ADAM7: variants seen among roughly 807,000 people sequenced by gnomAD.
ADAM7 encodes the protein ADAM metallopeptidase domain 7.
A neutral mutation model predicts 102.9 loss-of-function variants in ADAM7; 97 were observed. The ratio of observed to expected loss-of-function variants is 0.94; its 90% CI spans 0.80 to 1.12. The LOEUF is 1.12. Ranked by LOEUF, ADAM7 falls within the 50% of genes most tolerant of loss-of-function variation. The probability of loss-of-function intolerance (pLI) is 0.00; values close to 1 mark genes in which losing one functional copy is unlikely to be tolerated. For missense variants in ADAM7, 991 were observed against 908.7 expected (o/e 1.09, Z -1.16); for synonymous variants, 334 against 304.4 (o/e 1.10, Z -1.01).
intron 8 of ADAM7, among the ~76,000 whole-genome samples, chr8:24,479,592 G>A (rs1255014643): frequency 2.0e-5 from 3 of 152,190 alleles, no homozygotes; most frequent in Middle Eastern, 3.4e-3. Flanking sequence ...GTCTCCCACT[G>A]TGGTTGTTGG....
At chr8:24,486,652 A>C (rs1292664645) in intron 10 of ADAM7, among the ~76,000 whole-genome samples, 1 of 152,152 alleles carries the variant, frequency 6.6e-6, no homozygotes, top group Admixed American at 6.5e-5. Flanking sequence ...TGTCTGGTGA[A>C]GCCCTGTCTG....
chr8:24,468,919 T>A (rs1422066508), intron 7 of ADAM7, 99 bp downstream of exon 7: 4 of 1,157,088 alleles, frequency 3.5e-6, no homozygotes, highest in Non-Finnish European at 4.9e-6. Context: ...CAGAGTTCTA[T>A]TCTAGGCTCA....
rs1263026227 is a variant in ADAM7, at chr8:24,508,776, T to C, written c.*230T>C. On this transcript the variant is annotated 3_prime_UTR_variant, in exon 22 of 22. Transcript: ENST00000175238. ...TATGCTGCAGAAAAAAAATGTCTTGTGGTCTTTCAAATGCTCTTTAGCACA... is the reference window on the plus strand; with the variant it reads ...TATGCTGCAGAAAAAAAATGTCTTGCGGTCTTTCAAATGCTCTTTAGCACA... 3 of 1,353,452 alleles carry C rather than the reference T, an allele frequency of 2.2e-6. No homozygotes were observed. In the East Asian group the frequency reaches 7.9e-5, roughly 36 times the overall value. The allele number at this position is 1,353,452 out of a possible 1,614,324, so 83.8% of individuals were successfully genotyped here. A position where few individuals can be genotyped will look rare whatever the true frequency, so the allele number is the denominator to read the frequency against.
rs1017538896 is a variant in ADAM7 at position 24,491,883 on chromosome 8, T to G, written c.1357-20T>G. On this transcript the variant is annotated intron_variant, in intron 13 of 21. Coordinates refer to ENST00000175238, the MANE Select transcript of ADAM7 (RefSeq NM_003817.4). ...ACCTAAATGTATCCAGGATTTAGTC[T>G]CTTTGTTTTTCCTCAACAGATAAAA... The G allele has an allele frequency of 5.8e-6, 9 of 1,564,224 alleles. No homozygotes were observed. In the African/African-American group the frequency reaches 8.2e-5, roughly 14 times the overall value.
intron 20 of ADAM7, among the ~76,000 whole-genome samples, chr8:24,506,431 G>A (rs1820953151): frequency 6.6e-6 from 1 of 151,994 alleles, no homozygotes; most frequent in South Asian, 2.1e-4. Flanking sequence ...TGTTCACCAT[G>A]ATACATGCAT....
chr8:24,479,469 T>C (rs144156559), intron 8 of ADAM7, among the ~76,000 whole-genome samples: 1 of 152,156 alleles, frequency 6.6e-6, no homozygotes, highest in African/African-American at 2.4e-5. Context: ...AGTTTAAAGC[T>C]TTTGTTCCTT....
chr8:24,457,336 C>A (rs931883601), intron 3 of ADAM7, among the ~76,000 whole-genome samples: 7 of 152,022 alleles, frequency 4.6e-5, no homozygotes, highest in African/African-American at 1.7e-4. Flanking sequence ...AGTAGAGTGG[C>A]ACGATCTTGG....
intron 3 of ADAM7, among the ~76,000 whole-genome samples, chr8:24,459,327 T>A (rs1004663397): frequency 6.6e-6 from 1 of 152,030 alleles, no homozygotes; most frequent in African/African-American, 2.4e-5. Flanking sequence ...TTATAATTTT[T>A]AAAAATGTAA....
At position 24,441,178 on chromosome 8, in the gene ADAM7, T is replaced by C. The variant is rs879159747; in HGVS notation, c.52+18T>C. 4 of 1,599,586 alleles carry C rather than the reference T, an allele frequency of 2.5e-6. No homozygotes were observed. The South Asian group carries it at 4.4e-5, about 18-fold the overall frequency. On this transcript the variant is annotated intron_variant, in intron 1 of 21. Coordinates refer to ENST00000175238, the MANE Select transcript of ADAM7 (RefSeq NM_003817.4). ...GGTTAAAGGTATGTCTTGCTCTTTT[T>C]ATCAGGACTTTCTTATTATGCTGTG...
chr8:24,490,201 C>G (rs1820294323), intron 12 of ADAM7: 1 of 152,438 alleles, frequency 6.6e-6, no homozygotes, highest in Non-Finnish European at 1.5e-5. Context: ...TCAAATGTCT[C>G]AGGTTAAACG....
intron 3 of ADAM7, 26 bp downstream of exon 3, chr8:24,447,288 C>A (rs1818597675): frequency 6.1e-6 from 8 of 1,314,208 alleles, no homozygotes; most frequent in Admixed American, 2.5e-5. Context: ...ATTCCAGTAC[C>A]TTATAGATTT....
At chr8:24,475,290 G>A (rs2129385714) in intron 7 of ADAM7, among the ~76,000 whole-genome samples, 1 of 152,194 alleles carries the variant, frequency 6.6e-6, no homozygotes, top group East Asian at 1.9e-4. Context: ...TGAATTTTAG[G>A]CAGTGAATTT....
Position 24,485,269 on chromosome 8 carries a change from T to C in ADAM7, c.876-8T>C, listed in dbSNP as rs1820102265. ...AGATTGAAGACTATTTTTGCATCTT[T>C]TTCATAGTGGGAAGTGGCTCTACTC... On this transcript the variant is annotated splice_region_variant and splice_polypyrimidine_tract_variant and intron_variant, in intron 9 of 21. Transcript: ENST00000175238. The C allele has an allele frequency of 4.3e-6, 7 of 1,612,130 alleles. No individual in the cohort carries two copies. The highest frequency in any genetic ancestry group is 5.9e-6 in the Non-Finnish European group (7 of 1,178,896).
chr8:24,466,697 G>A, intron 5 of ADAM7, 102 bp from the exon 6 acceptor site: 1 of 1,032,282 alleles, frequency 9.7e-7, no homozygotes, highest in Non-Finnish European at 1.4e-6. Context: ...TGTTCATGAA[G>A]CACTGGCTTT....
At chr8:24,485,051 G>C (rs943385877) in intron 9 of ADAM7, among the ~76,000 whole-genome samples, 1 of 151,858 alleles carries the variant, frequency 6.6e-6, no homozygotes, top group South Asian at 2.1e-4. Context: ...TGATCCACCT[G>C]CCTCGGCCTC....
At position 24,509,313 on chromosome 8, in the gene ADAM7, G is replaced by A; in HGVS notation, c.*767G>A. 4 of 985,368 alleles carry A rather than the reference G, an allele frequency of 4.1e-6. No homozygotes were observed. The highest frequency in any genetic ancestry group is 4.7e-5 in the South Asian group (1 of 21,278). The allele number at this position is 985,368 out of a possible 1,614,324, so 61.0% of individuals were successfully genotyped here. On this transcript the variant is annotated 3_prime_UTR_variant, in exon 22 of 22. Coordinates refer to ENST00000175238, the MANE Select transcript of ADAM7 (RefSeq NM_003817.4). ...TTTGTCCTGTGCAATTTGACAATGTGCCATTTCTGTGCTGTCTCTGCCCTC... is the reference window on the plus strand; with the variant it reads ...TTTGTCCTGTGCAATTTGACAATGTACCATTTCTGTGCTGTCTCTGCCCTC...
At chr8:24,446,840 CTATAT>C (rs917714106) in intron 2 of ADAM7, among the ~76,000 whole-genome samples, 28 of 148,560 alleles carry the variant, frequency 1.9e-4, no homozygotes, top group African/African-American at 3.9e-4. Context: ...ATATAATATG[CTATAT>C]TATATTATAT....
chr8:24,488,013 TG>T (rs1820204143), intron 11 of ADAM7, among the ~76,000 whole-genome samples: 1 of 152,234 alleles, frequency 6.6e-6, no homozygotes, highest in African/African-American at 2.4e-5. Context: ...ATGTTTTCCC[TG>T]GCCACCTGAT....
At chr8:24,489,364 C>T (rs1432457348) in intron 12 of ADAM7, 31 bp downstream of exon 12, 1 of 1,580,470 alleles carries the variant, frequency 6.3e-7, no homozygotes, top group Non-Finnish European at 8.6e-7. Flanking sequence ...CTTTAAATTG[C>T]AAAATTTATG....
Sources: gnomAD v4.1 joint callset for allele counts (sites outside exome capture counted in the v4.1 genomes callset) on GRCh38, gnomAD v4.1.1 for gene constraint, MANE v1.5 for transcripts, NCBI Gene and HGNC (gene_info 2026-07-23, HGNC 2026-07-21) for gene names.